CDH13: variants seen among roughly 807,000 people sequenced by gnomAD.
The protein encoded by CDH13 is cadherin 13, also known as cadherin-13.
Under a neutral mutation model 63.8 loss-of-function variants are expected in CDH13, and 24 were observed. That is an observed-to-expected ratio of 0.38 (90% confidence interval 0.27 to 0.53). CDH13 has a LOEUF of 0.53. Ranked by LOEUF, CDH13 falls within the 20% of genes least tolerant of loss-of-function variation. The probability of loss-of-function intolerance (pLI) is 0.85; values close to 1 mark genes in which losing one functional copy is unlikely to be tolerated. For missense variants in CDH13, 1,049 were observed against 903.1 expected (o/e 1.16, Z -2.07); for synonymous variants, 503 against 355.3 (o/e 1.42, Z -4.67).
intron 1 of CDH13, among the ~76,000 whole-genome samples, chr16:82,852,970 A>G (rs1380386949): frequency 7.1e-6 from 1 of 141,356 alleles, no homozygotes; most frequent in Non-Finnish European, 1.6e-5. Context: ...CTGTCAGGAT[A>G]AAAAAAAACC....
At chr16:82,866,164 A>G (rs2040130695) in intron 2 of CDH13, among the ~76,000 whole-genome samples, 1 of 152,100 alleles carries the variant, frequency 6.6e-6, no homozygotes, top group African/African-American at 2.4e-5. Flanking sequence ...TATTACTATC[A>G]GCATTTTGGT....
chr16:83,705,085 C>A (rs568237380), intron 10 of CDH13, among the ~76,000 whole-genome samples: 2 of 152,184 alleles, frequency 1.3e-5, no homozygotes, highest in Admixed American at 1.3e-4. Context: ...GACTTCATTT[C>A]TAAAACATAG....
chr16:83,126,384 T>C (rs1238249043), intron 4 of CDH13, among the ~76,000 whole-genome samples: 6 of 152,132 alleles, frequency 3.9e-5, no homozygotes, highest in Non-Finnish European at 8.8e-5. Context: ...AAATTGAATA[T>C]GGCTAATTAG....
At chr16:83,163,043 C>T (rs2037513491) in intron 4 of CDH13, among the ~76,000 whole-genome samples, 2 of 151,946 alleles carry the variant, frequency 1.3e-5, no homozygotes, top group South Asian at 4.2e-4. Flanking sequence ...CAGGTCTTTC[C>T]CATGCTGTTC....
intron 7 of CDH13, among the ~76,000 whole-genome samples, chr16:83,502,700 A>C (rs560579209): frequency 6.6e-6 from 1 of 151,744 alleles, no homozygotes; most frequent in African/African-American, 2.4e-5. Context: ...AAGTACATTA[A>C]CTCTTGGGCA....
At chr16:83,281,439 C>T (rs974026867) in intron 5 of CDH13, among the ~76,000 whole-genome samples, 1 of 152,214 alleles carries the variant, frequency 6.6e-6, no homozygotes, top group African/African-American at 2.4e-5. Context: ...CCAGACCACT[C>T]AAACTTTCTC....
rs1904277508 is a variant in CDH13, at chr16:83,795,626, A to G, written c.*596A>G. 1 of 152,290 alleles carries G rather than the reference A, an allele frequency of 6.6e-6. No homozygotes were observed. The highest frequency in any genetic ancestry group is 2.4e-5 in the African/African-American group (1 of 41,452). 9.4% of individuals were successfully genotyped at this position (152,290 alleles called of 1,614,324 possible). ...GTTCAGTCTGAATGCTGCCACAACCAGCCAGGCAGGTCCACAGAGAGGGAG... is the reference window on the plus strand; with the variant it reads ...GTTCAGTCTGAATGCTGCCACAACCGGCCAGGCAGGTCCACAGAGAGGGAG... On this transcript the variant is annotated 3_prime_UTR_variant, in exon 14 of 14. Transcript: ENST00000567109.
At chr16:83,250,669 G>C (rs1009866431) in intron 5 of CDH13, among the ~76,000 whole-genome samples, 2 of 152,264 alleles carry the variant, frequency 1.3e-5, no homozygotes, top group Non-Finnish European at 2.9e-5. Context: ...AAATAAGGGA[G>C]ATAGGATTGT....
intron 5 of CDH13, among the ~76,000 whole-genome samples, chr16:83,265,740 T>TG: frequency 8.0e-6 from 1 of 124,452 alleles, no homozygotes; most frequent in Non-Finnish European, 1.7e-5. Flanking sequence ...TTTTTTTTTT[T>TG]TTTTTTTTTT....
chr16:83,698,918 C>G (rs1490451549), intron 10 of CDH13, among the ~76,000 whole-genome samples: 1 of 152,248 alleles, frequency 6.6e-6, no homozygotes, highest in Admixed American at 6.5e-5. Context: ...TGTGTTGACA[C>G]AGGGAGTCAG....
chr16:83,682,919 G>A (rs1915523519), intron 10 of CDH13, among the ~76,000 whole-genome samples: 1 of 152,182 alleles, frequency 6.6e-6, no homozygotes, highest in Non-Finnish European at 1.5e-5. Flanking sequence ...AACATGGGAA[G>A]CCTTCTCCCC....
At chr16:82,754,573 G>C (rs2034542984) in intron 1 of CDH13, among the ~76,000 whole-genome samples, 1 of 152,146 alleles carries the variant, frequency 6.6e-6, no homozygotes, top group Non-Finnish European at 1.5e-5. Context: ...AGCATTATCA[G>C]ACAGAGACAC....
rs1445620486 is a variant in CDH13 at position 82,858,392 on chromosome 16, G to A, written c.76G>A (p.Asp26Asn). 1.2e-6 allele frequency: 2 copies of A among 1,613,558 alleles called. No homozygotes were observed. Among genetic ancestry groups the A allele is most frequent in the African/African-American group, 1.3e-5 (1 of 75,044 alleles). Residue 26 changes from aspartate to asparagine, a missense_variant, in exon 2 of 14, where the codon GAC becomes AAC. Physicochemically the swap from Asp to Asn is conservative, Grantham distance 23. Coordinates refer to ENST00000567109, the MANE Select transcript of CDH13 (RefSeq NM_001257.5). Reference sequence around the variant, plus strand: ...GCTGCTAACATCTGCAGAAGATTTGGACTGCACTCCTGGATTTCAGCAGAA... The same window carrying A: ...GCTGCTAACATCTGCAGAAGATTTGAACTGCACTCCTGGATTTCAGCAGAA... ...VLLLTSAEDL[D>N]CTPGFQQKVF...
At chr16:82,658,806 T>C (rs1305410189) in intron 1 of CDH13, among the ~76,000 whole-genome samples, 1 of 152,194 alleles carries the variant, frequency 6.6e-6, no homozygotes, top group African/African-American at 2.4e-5. Flanking sequence ...AGTCGATAGA[T>C]TTTAAAAGCC....
intron 6 of CDH13, among the ~76,000 whole-genome samples, chr16:83,433,876 A>G (rs978756615): frequency 1.3e-5 from 2 of 152,162 alleles, no homozygotes; most frequent in African/African-American, 4.8e-5. Flanking sequence ...CTCAGTGCAA[A>G]GCACACTCTT....
chr16:83,659,164 C>G (rs1260267092), intron 8 of CDH13, among the ~76,000 whole-genome samples: 2 of 144,644 alleles, frequency 1.4e-5, no homozygotes, highest in Admixed American at 6.9e-5. Context: ...GTCCTCACCA[C>G]CAGGTCCCAT....
At chr16:82,857,889 A>T (rs2039768655) in intron 1 of CDH13, among the ~76,000 whole-genome samples, 1 of 152,166 alleles carries the variant, frequency 6.6e-6, no homozygotes, top group African/African-American at 2.4e-5. Context: ...GTTCATGGTC[A>T]CCATATTGGG....
At chr16:82,965,992 A>G (rs1907750948) in intron 2 of CDH13, among the ~76,000 whole-genome samples, 1 of 152,316 alleles carries the variant, frequency 6.6e-6, no homozygotes, top group Admixed American at 6.5e-5. Flanking sequence ...CCTGTCAGCC[A>G]ATCAGTCAAC....
At chr16:83,146,754 T>C (rs1444892519) in intron 4 of CDH13, among the ~76,000 whole-genome samples, 1 of 152,092 alleles carries the variant, frequency 6.6e-6, no homozygotes, top group East Asian at 1.9e-4. Flanking sequence ...GCCATAGATA[T>C]TTCAAAAAAA....
Sources: allele counts gnomAD v4.1 joint callset (sites outside exome capture counted in the v4.1 genomes callset), GRCh38; gene constraint gnomAD v4.1.1; transcripts MANE v1.5; gene names NCBI Gene and HGNC (gene_info 2026-07-23, HGNC 2026-07-21).